The following HERC1 variants were observed in gnomAD, a reference collection of about 807,000 sequenced individuals.
The protein encoded by HERC1 is HECT and RLD domain containing E3 ubiquitin protein ligase family member 1, also known as probable E3 ubiquitin-protein ligase HERC1.
Under a neutral mutation model 554.3 loss-of-function variants are expected in HERC1, and 160 were observed. The observed-to-expected ratio is 0.29, with a 90% CI of 0.25 to 0.33. HERC1 has a LOEUF of 0.33. Among genes scored for constraint, HERC1 ranks in the 10% least tolerant of loss-of-function variants. The pLI is 1.00. For synonymous variants in HERC1, 2,175 were observed against 2,131.7 expected (o/e 1.02, Z -0.56); for missense variants, 4,919 against 5,918.5 (o/e 0.83, Z 5.54).
At chr15:63,626,893 G>T (rs2068324814) in intron 70 of HERC1, among the ~76,000 whole-genome samples, 1 of 152,158 alleles carries the variant, frequency 6.6e-6, no homozygotes, top group Admixed American at 6.5e-5. Flanking sequence ...TTACATGAAT[G>T]GGGCCACTTA....
intron 7 of HERC1, 141 bp from the exon 8 acceptor site, chr15:63,753,226 G>T: frequency 1.9e-6 from 1 of 513,702 alleles, no homozygotes; most frequent in African/African-American, 2.0e-5. Context: ...GATAGCTGAG[G>T]ATGTTAACAA....
intron 17 of HERC1, among the ~76,000 whole-genome samples, chr15:63,726,948 T>TA (rs1303273289): frequency 2.0e-5 from 3 of 152,136 alleles, no homozygotes; most frequent in Non-Finnish European, 4.4e-5. Context: ...ACTCACCTGA[T>TA]AGACTGAATC....
At chr15:63,683,725 T>C (rs1189605320) in intron 34 of HERC1, among the ~76,000 whole-genome samples, 1 of 152,210 alleles carries the variant, frequency 6.6e-6, no homozygotes, top group Non-Finnish European at 1.5e-5. Flanking sequence ...CAGAGCTCAC[T>C]GTGGCTTCAA....
At chr15:63,619,004 T>A (rs1240766242) in intron 74 of HERC1, among the ~76,000 whole-genome samples, 1 of 152,146 alleles carries the variant, frequency 6.6e-6, no homozygotes, top group Non-Finnish European at 1.5e-5. Context: ...TCCTGCCTGA[T>A]TGCCCTGGCC....
rs779005861 is a variant in HERC1 at position 63,643,046 on chromosome 15, A to G, written c.11344T>C (p.Leu3782=). The G allele has an allele frequency of 3.1e-6, 5 of 1,608,446 alleles. No individual in the cohort carries two copies. The highest frequency in any genetic ancestry group is 4.3e-6 in the Non-Finnish European group (5 of 1,175,442). ...CCAGAGCCTATCACAACAGTTTGCA[A>G]GACAGAGCCATCCTAAAATGAGATA... ...NIWSLRDGSV[L]QTVVIGSGAI... is the part of the protein sequence containing the mutation. Residue 3782 remains leucine, a synonymous_variant, in exon 59 of 78, where the codon TTG becomes CTG. Transcript: ENST00000443617.
In HERC1 at chr15:63,713,393, G is replaced by A. The variant is rs1371460754; in HGVS notation, c.4423C>T (p.Pro1475Ser). The A allele has an allele frequency of 6.2e-7, 1 of 1,613,856 alleles. No homozygotes were observed. The highest frequency in any genetic ancestry group is 8.5e-7 in the Non-Finnish European group (1 of 1,179,888). The change falls in exon 23 of 78, where the codon CCT (proline) becomes TCT (serine). Residue 1475 changes from proline to serine, a missense_variant. Physicochemically the swap from Pro to Ser is moderately conservative, Grantham distance 74 (BLOSUM62 -1). Around this residue, in one of 11 missense-constraint regions of HERC1, gnomAD observed 1,121 missense variants for 1,244.0 expected, o/e 0.90. Transcript: ENST00000443617. ...CCCCCTTCAGAGGCACTTGTTGAAG[G>A]TTGCTGCAACTGTCCTTCTTCTCTT... ...KRREEGQLQQ[P>S]STSASEGGGL...
At position 63,689,617 on chromosome 15, in the gene HERC1, T is replaced by C; in HGVS notation, c.6020A>G (p.Lys2007Arg). 2 of 1,570,774 alleles carry C rather than the reference T, an allele frequency of 1.3e-6. No homozygotes were observed. The highest frequency in any genetic ancestry group is 8.6e-7 in the Non-Finnish European group (1 of 1,156,246). ...IAQAKHAIQI[K>R]EKEQEIKLQK... Reference sequence around the variant, plus strand: ...TAGTTTTATTTCTTGTTCTTTTTCCTTTATCTGAATAGCATGTTTGGCCTG... The same window carrying C: ...TAGTTTTATTTCTTGTTCTTTTTCCCTTATCTGAATAGCATGTTTGGCCTG... The change falls in exon 33 of 78, where the codon AAG (lysine) becomes AGG (arginine). Residue 2007 changes from lysine to arginine, a missense_variant. Lys to Arg is a conservative substitution (Grantham distance 26). This residue lies in a region of HERC1 where 1,121 missense variants were observed against 1,244.0 expected (regional missense o/e 0.90). Transcript: ENST00000443617.
chr15:63,764,083 G>A lies in HERC1; in HGVS notation c.1026+13C>T, dbSNP rs539696795. 406 of 1,564,104 alleles carry A rather than the reference G, an allele frequency of 2.6e-4. 2 individuals carry two copies. The South Asian group carries it at 4.1e-3, about 16-fold the overall frequency. On this transcript the variant is annotated intron_variant, in intron 3 of 77. Transcript: ENST00000443617. ...ACAAAGTTGTTAATACAAAAGCCAC[G>A]ATTATTACGTACCTCTTCAAAGAGA...
At chr15:63,631,138 C>CT (rs976977410) in intron 68 of HERC1, among the ~76,000 whole-genome samples, 1 of 152,220 alleles carries the variant, frequency 6.6e-6, no homozygotes, top group Non-Finnish European at 1.5e-5. Flanking sequence ...GCCACCATGC[C>CT]TGGCTAATTT....
rs1221710591 is a variant in HERC1 at position 63,612,161 on chromosome 15, C to G, written c.14400+90G>C. 1 of 1,208,544 alleles carries G rather than the reference C, an allele frequency of 8.3e-7. No individual in the cohort carries two copies. The highest frequency in any genetic ancestry group is 1.6e-5 in the South Asian group (1 of 64,150). 74.9% of individuals were successfully genotyped at this position (1,208,544 alleles called of 1,614,324 possible). A position where few individuals can be genotyped will look rare whatever the true frequency, so the allele number is the denominator to read the frequency against. ...TAAAATCATGCCACTGCACTCCAGC[C>G]TGGGCCACAGAGTGAGACCCTGTCT... On this transcript the variant is annotated intron_variant, in intron 77 of 77. Transcript: ENST00000443617. This position sits in a 1 kb window ranked among gnomAD's most constrained non-coding sequence, Gnocchi z 5.0.
rs930537837 is a variant in HERC1, at chr15:63,833,846, G to A, written c.-46C>T. On this transcript the variant is annotated 5_prime_UTR_variant, in exon 1 of 78. Coordinates refer to ENST00000443617, the MANE Select transcript of HERC1 (RefSeq NM_003922.4). ...CCGTACGTGGCTCTGGAGCTGGCGG[G>A]GTGGGGCGCGGCTCCGGCGACCCGA... is the stretch of plus-strand genomic sequence containing the variant. 117 of 153,218 alleles carry A rather than the reference G, an allele frequency of 7.6e-4. No homozygotes were observed. Among genetic ancestry groups the A allele is most frequent in the African/African-American group, 2.8e-3 (115 of 41,550 alleles). The allele number at this position is 153,218 out of a possible 1,614,324, so 9.5% of individuals were successfully genotyped here.
At chr15:63,829,087 T>C (rs2078038057) in intron 1 of HERC1, among the ~76,000 whole-genome samples, 1 of 152,004 alleles carries the variant, frequency 6.6e-6, no homozygotes, top group Non-Finnish European at 1.5e-5. Context: ...GGTACTGGAT[T>C]AGAATAGGTG....
At chr15:63,805,421 A>G (rs1375615580) in intron 1 of HERC1, among the ~76,000 whole-genome samples, 1 of 152,228 alleles carries the variant, frequency 6.6e-6, no homozygotes, top group Non-Finnish European at 1.5e-5. Flanking sequence ...GCTGCATGAA[A>G]TTCTAGAGTA....
chr15:63,734,605 C>T lies in HERC1; in HGVS notation c.2646+119G>A, dbSNP rs1345565406. 3 of 767,060 alleles carry T rather than the reference C, an allele frequency of 3.9e-6. No homozygotes were observed. Among genetic ancestry groups the T allele is most frequent in the Non-Finnish European group, 2.0e-6 (1 of 500,146 alleles). 47.5% of individuals were successfully genotyped at this position (767,060 alleles called of 1,614,324 possible). ...AACTGGGAATTCTTCCAGCACAACA[C>T]ATTAACCCATCAAGTACTTATGCTC... On this transcript the variant is annotated intron_variant, in intron 13 of 77. Transcript: ENST00000443617. The surrounding 1 kb of genome is among the most constrained non-coding windows in gnomAD (Gnocchi z 4.6).
intron 18 of HERC1, among the ~76,000 whole-genome samples, chr15:63,723,997 A>G (rs1443175322): frequency 6.6e-6 from 1 of 152,226 alleles, no homozygotes; most frequent in Admixed American, 6.5e-5. Flanking sequence ...TTCAACCCAT[A>G]GTATAACTGA....
intron 52 of HERC1, among the ~76,000 whole-genome samples, chr15:63,651,691 C>G (rs1021918591): frequency 6.6e-6 from 1 of 152,100 alleles, no homozygotes; most frequent in Non-Finnish European, 1.5e-5. Context: ...TTCTTATTTG[C>G]CTAAACTCTT....
rs189786806 is a variant in HERC1 at position 63,637,773 on chromosome 15, A to C, written c.12094-130T>G. ...TTTTATCCTTTTACTGAAAGGGAAGAGTTGATATAACTATGCAGTCCCGTA... is the reference window on the plus strand; with the variant it reads ...TTTTATCCTTTTACTGAAAGGGAAGCGTTGATATAACTATGCAGTCCCGTA... On this transcript the variant is annotated intron_variant, in intron 63 of 77. Transcript: ENST00000443617. 9,935 of 593,960 alleles carry C rather than the reference A, an allele frequency of 0.017. 102 individuals are homozygous for C. Among genetic ancestry groups the C allele is most frequent in the Middle Eastern group, 0.035 (83 of 2,342 alleles). 36.8% of individuals were successfully genotyped at this position (593,960 alleles called of 1,614,324 possible). A position where few individuals can be genotyped will look rare whatever the true frequency, so the allele number is the denominator to read the frequency against.
At chr15:63,721,440 C>T (rs1232229891) in intron 19 of HERC1, among the ~76,000 whole-genome samples, 2 of 152,004 alleles carry the variant, frequency 1.3e-5, no homozygotes, top group Non-Finnish European at 2.9e-5. Flanking sequence ...GCAGGAGAAT[C>T]GTTTGAACTC....
intron 6 of HERC1, among the ~76,000 whole-genome samples, chr15:63,755,002 G>A (rs778112395): frequency 3.3e-5 from 5 of 152,026 alleles, no homozygotes; most frequent in Admixed American, 6.6e-5. Flanking sequence ...ACCCTACAAT[G>A]CCTGGTCATA....
Sources: gnomAD v4.1 joint callset for allele counts (sites outside exome capture counted in the v4.1 genomes callset) on GRCh38, gnomAD v4.1.1 for gene constraint, gnomAD v4.1.1 regional missense constraint, Gnocchi (gnomAD v3.1) non-coding constraint, MANE v1.5 for transcripts, NCBI Gene and HGNC (gene_info 2026-07-23, HGNC 2026-07-21) for gene names.